KIF26B: variants seen among roughly 807,000 people sequenced by gnomAD.
KIF26B encodes the protein kinesin family member 26B, also known as kinesin-like protein KIF26B.
Under a neutral mutation model 151.2 loss-of-function variants are expected in KIF26B, and 63 were observed. The ratio of observed to expected loss-of-function variants is 0.42; its 90% CI spans 0.34 to 0.51. The LOEUF is 0.51. Among genes scored for constraint, KIF26B ranks in the 20% least tolerant of loss-of-function variants. The pLI is 0.07. For synonymous variants in KIF26B, 1,357 were observed against 1,262.1 expected, an observed-to-expected ratio of 1.08 and a Z score of -1.59; for missense variants, 2,813 against 2,913.6, an observed-to-expected ratio of 0.97 and a Z score of 0.79.
chr1:245,476,924 T>C (rs1660054513), intron 4 of KIF26B, among the ~76,000 whole-genome samples: 1 of 151,750 alleles, frequency 6.6e-6, no homozygotes, highest in Non-Finnish European at 1.5e-5. Flanking sequence ...AGCATATGTG[T>C]TGATGTGTCT....
At chr1:245,493,838 C>G (rs1202529202) in intron 4 of KIF26B, among the ~76,000 whole-genome samples, 3 of 152,136 alleles carry the variant, frequency 2.0e-5, no homozygotes, top group Non-Finnish European at 4.4e-5. Flanking sequence ...CCAAGGCGGA[C>G]AAGACTTAAG....
intron 4 of KIF26B, among the ~76,000 whole-genome samples, chr1:245,459,300 CACT>C (rs1241640262): frequency 6.6e-6 from 1 of 152,182 alleles, no homozygotes; most frequent in African/African-American, 2.4e-5. Flanking sequence ...GCAGTCTAAT[CACT>C]ACTGTTTCTG....
intron 2 of KIF26B, among the ~76,000 whole-genome samples, chr1:245,253,800 C>CTTTTTTTTTTTTTT (rs5782330): frequency 4.2e-5 from 3 of 72,148 alleles, no homozygotes; most frequent in African/African-American, 1.8e-4. Flanking sequence ...TGAAGTCCTG[C>CTTTTTTTTTTTTTT]TTTTTTTTTT....
At chr1:245,674,691 G>C (rs2044335798) in intron 10 of KIF26B, among the ~76,000 whole-genome samples, 2 of 152,138 alleles carry the variant, frequency 1.3e-5, no homozygotes, top group Admixed American at 6.6e-5. Flanking sequence ...ATAAATGTAG[G>C]ATTTTCTCCT....
At chr1:245,555,559 AG>A (rs978719900) in intron 5 of KIF26B, among the ~76,000 whole-genome samples, 2 of 152,120 alleles carry the variant, frequency 1.3e-5, no homozygotes, top group African/African-American at 4.8e-5. Context: ...GCTCAGATGA[AG>A]GGGGTGCTGG....
intron 5 of KIF26B, among the ~76,000 whole-genome samples, chr1:245,574,298 C>A (rs528678596): frequency 6.6e-6 from 1 of 152,266 alleles, no homozygotes; most frequent in East Asian, 1.9e-4. Context: ...CATGTGCCAC[C>A]ATGCCAGGCT....
At chr1:245,470,808 C>T (rs1659896069) in intron 4 of KIF26B, among the ~76,000 whole-genome samples, 1 of 152,106 alleles carries the variant, frequency 6.6e-6, no homozygotes, top group African/African-American at 2.4e-5. Context: ...AATTCCCTGC[C>T]TATTCGTGCA....
At chr1:245,595,479 G>A (rs893887161) in intron 5 of KIF26B, among the ~76,000 whole-genome samples, 31 of 152,202 alleles carry the variant, frequency 2.0e-4, no homozygotes, top group Non-Finnish European at 3.8e-4. Flanking sequence ...ATTTGCGTAT[G>A]TTGAACCAGC....
At chr1:245,338,236 C>T (rs1572011697) in intron 2 of KIF26B, among the ~76,000 whole-genome samples, 1 of 152,206 alleles carries the variant, frequency 6.6e-6, no homozygotes, top group East Asian at 1.9e-4. Context: ...TTAAAGAGTA[C>T]AGGCTTCCAT....
chr1:245,608,197 C>T (rs903918635), intron 7 of KIF26B, among the ~76,000 whole-genome samples: 6 of 152,160 alleles, frequency 3.9e-5, no homozygotes, highest in Admixed American at 6.5e-5. Context: ...CAGTGCACAC[C>T]GTCGGGAACA....
At position 245,654,330 on chromosome 1, in the gene KIF26B, ATAAAAT is replaced by A. The variant is rs1217170153; in HGVS notation, c.2258+8056_2258+8061del. Among the ~76,000 whole-genome samples the A allele has an allele frequency of 9.2e-5, 14 of 152,282 alleles. No individual in the cohort carries two copies. In the South Asian group the frequency reaches 2.1e-3, roughly 23 times the overall value. On this transcript the variant is annotated intron_variant, in intron 10 of 14. Coordinates refer to ENST00000407071, the MANE Select transcript of KIF26B (RefSeq NM_018012.4). Reference sequence around the variant, plus strand: ...ATGAGGGGTGGGGAGGGGGCAAAAAATAAAATTAAAAAGAATGTAACAAGCAACGAG... The same window carrying A: ...ATGAGGGGTGGGGAGGGGGCAAAAAATAAAAAGAATGTAACAAGCAACGAG...
chr1:245,529,660 T>C (rs1179087029), intron 4 of KIF26B, among the ~76,000 whole-genome samples: 2 of 152,206 alleles, frequency 1.3e-5, no homozygotes, highest in Non-Finnish European at 2.9e-5. Context: ...TTACTTGGCT[T>C]TAAACAAAGG....
intron 2 of KIF26B, among the ~76,000 whole-genome samples, chr1:245,231,202 G>A (rs891714348): frequency 6.6e-6 from 1 of 152,084 alleles, no homozygotes; most frequent in Non-Finnish European, 1.5e-5. Flanking sequence ...CAAGCAGATG[G>A]AATAAAACTA....
intron 4 of KIF26B, among the ~76,000 whole-genome samples, chr1:245,501,521 C>T (rs920970960): frequency 1.3e-5 from 2 of 152,196 alleles, no homozygotes; most frequent in African/African-American, 2.4e-5. Flanking sequence ...TATCTTCTTT[C>T]TCCTACATTT....
chr1:245,483,549 G>A lies in KIF26B; in HGVS notation c.1167-57218G>A, dbSNP rs114608507. ...GGGAAAGTGCAGAAATGAAGTTTGC[G>A]TTGTTAACAAGAAATTTTGCTAATT... On this transcript the variant is annotated intron_variant, in intron 4 of 14. Coordinates refer to ENST00000407071, the MANE Select transcript of KIF26B (RefSeq NM_018012.4). 4.4e-3 allele frequency among the ~76,000 whole-genome samples: 669 copies of A among 151,984 alleles called. 8 individuals are homozygous for A. The highest frequency in any genetic ancestry group is 0.015 in the African/African-American group (605 of 41,544).
chr1:245,524,209 A>G (rs1390165008), intron 4 of KIF26B, among the ~76,000 whole-genome samples: 1 of 152,206 alleles, frequency 6.6e-6, no homozygotes, highest in Non-Finnish European at 1.5e-5. Flanking sequence ...AGGGAACAAA[A>G]GCATTTAGTG....
chr1:245,680,781 G>A (rs910816446), intron 10 of KIF26B, among the ~76,000 whole-genome samples: 3 of 152,180 alleles, frequency 2.0e-5, no homozygotes, highest in Admixed American at 6.5e-5. Flanking sequence ...GTCATTCTCC[G>A]ACACGGGCAG....
intron 2 of KIF26B, among the ~76,000 whole-genome samples, chr1:245,213,366 C>T (rs1314344047): frequency 2.0e-5 from 3 of 152,180 alleles, no homozygotes; most frequent in East Asian, 1.9e-4. Context: ...CAGGCTACCA[C>T]GCTGACGAAG....
At chr1:245,417,160 CATA>C (rs1674440046) in intron 3 of KIF26B, among the ~76,000 whole-genome samples, 1 of 151,928 alleles carries the variant, frequency 6.6e-6, no homozygotes, top group South Asian at 2.1e-4. Flanking sequence ...TTTAATTTTA[CATA>C]ATATTTGTTT....
Sources: gnomAD v4.1 joint callset for allele counts (sites outside exome capture counted in the v4.1 genomes callset) on GRCh38, gnomAD v4.1.1 for gene constraint, MANE v1.5 for transcripts, NCBI Gene and HGNC (gene_info 2026-07-23, HGNC 2026-07-21) for gene names.